HM13: variants seen among roughly 807,000 people sequenced by gnomAD.
HM13 encodes signal peptide peptidase.
Under a neutral mutation model 50.0 loss-of-function variants are expected in HM13, and 18 were observed. That is an observed-to-expected ratio of 0.36 (90% confidence interval 0.25 to 0.53). The LOEUF is 0.53. Ranked by LOEUF, HM13 falls within the 20% of genes least tolerant of loss-of-function variation. The pLI is 0.90. For synonymous variants in HM13, 197 were observed against 232.6 expected (o/e 0.85, Z 1.39); for missense variants, 393 against 552.4 (o/e 0.71, Z 2.89).
intron 7 of HM13, 37 bp downstream of exon 7, chr20:31,550,158 C>G (rs547582485): frequency 9.6e-6 from 15 of 1,558,626 alleles, no homozygotes; most frequent in Non-Finnish European, 1.2e-5. Flanking sequence ...CCCCTTCCCC[C>G]ACCCCTGCCG....
At chr20:31,543,272 G>A (rs1429177574) in intron 3 of HM13, among the ~76,000 whole-genome samples, 2 of 152,072 alleles carry the variant, frequency 1.3e-5, no homozygotes, top group Non-Finnish European at 2.9e-5. Context: ...GAGAAATAGA[G>A]GCCCAGAGAT....
rs560645005 is a variant in HM13, at chr20:31,548,988, C to T, written c.455-41C>T. ...AGGGGCTGACAGGTGGGAGGGGTAG[C>T]CCTGCCTCAGGGAGTGGACTTACCT... On this transcript the variant is annotated intron_variant, in intron 4 of 12. Coordinates refer to ENST00000398174, the MANE Select transcript of HM13 (RefSeq NM_178581.3). 45 of 1,561,566 alleles carry T rather than the reference C, an allele frequency of 2.9e-5. No individual in the cohort carries two copies. The South Asian group carries it at 5.0e-4, about 17-fold the overall frequency.
intron 4 of HM13, chr20:31,547,488 C>T (rs984020640): frequency 1.5e-5 from 10 of 647,642 alleles, no homozygotes; most frequent in African/African-American, 3.8e-5. Context: ...TGTTGTCGCC[C>T]GCTTCACCCT....
chr20:31,553,433 G>A (rs952285442), intron 7 of HM13, among the ~76,000 whole-genome samples: 8 of 152,112 alleles, frequency 5.3e-5, no homozygotes, highest in Non-Finnish European at 1.2e-4. Context: ...ACAAAACCAG[G>A]ACTGGATTAG....
chr20:31,556,843 A>ACC (rs1213593567), intron 8 of HM13, among the ~76,000 whole-genome samples: 5 of 151,852 alleles, frequency 3.3e-5, no homozygotes, highest in African/African-American at 1.2e-4. Context: ...ACATGGTGAA[A>ACC]CCCCGTCTCT....
chr20:31,561,649 C>T lies in HM13; in HGVS notation c.861C>T (p.Thr287=), dbSNP rs1171102624. ...TTCCCTGCAGCTTGAAGAAGAATAC[C>T]CACACCTACTTCTACACCAGCTTTG... ...LRFDISLKKN[T]HTYFYTSFAA... The change falls in exon 10 of 13, where the codon ACC becomes ACT. Residue 287 remains threonine, a synonymous_variant. Coordinates refer to ENST00000398174, the MANE Select transcript of HM13 (RefSeq NM_178581.3). 4 of 1,612,418 alleles carry T rather than the reference C, an allele frequency of 2.5e-6. No individual in the cohort carries two copies. The African/African-American group carries it at 4.0e-5, about 16-fold the overall frequency.
At chr20:31,539,030 G>T in intron 3 of HM13, 2 of 964,566 alleles carry the variant, frequency 2.1e-6, no homozygotes, top group Non-Finnish European at 2.5e-6. Context: ...ACAGAGCCAG[G>T]ATTCAAACCC....
chr20:31,549,819 T>C (rs1261741831), intron 6 of HM13, among the ~76,000 whole-genome samples: 1 of 152,154 alleles, frequency 6.6e-6, no homozygotes, highest in African/African-American at 2.4e-5. Flanking sequence ...GGAACAGAAC[T>C]GTGAACAAAC....
chr20:31,538,386 G>A, intron 3 of HM13, 125 bp downstream of exon 3: 1 of 1,567,008 alleles, frequency 6.4e-7, no homozygotes, highest in Non-Finnish European at 8.7e-7. Flanking sequence ...TAAAACTCAA[G>A]GGACTCTTTC....
At chr20:31,558,555 C>G (rs1416190791) in intron 8 of HM13, among the ~76,000 whole-genome samples, 1 of 138,690 alleles carries the variant, frequency 7.2e-6, no homozygotes, top group African/African-American at 3.1e-5. Flanking sequence ...GTTCTCTCCT[C>G]CTGGCGTGTG....
intron 1 of HM13, among the ~76,000 whole-genome samples, chr20:31,520,492 C>T (rs1223173543): frequency 1.3e-5 from 2 of 149,640 alleles, no homozygotes; most frequent in African/African-American, 4.9e-5. Context: ...TTAGTAGTGA[C>T]AGGGTTTCAC....
At chr20:31,553,249 T>C (rs1395771779) in intron 7 of HM13, among the ~76,000 whole-genome samples, 3 of 150,136 alleles carry the variant, frequency 2.0e-5, no homozygotes, top group African/African-American at 4.9e-5. Context: ...TGAGCCGATA[T>C]TGCGCCACTG....
chr20:31,532,522 T>TC (rs1982880869), intron 2 of HM13, among the ~76,000 whole-genome samples: 1 of 152,054 alleles, frequency 6.6e-6, no homozygotes, highest in Non-Finnish European at 1.5e-5. Flanking sequence ...TTTTTTTTTT[T>TC]CCCACTTCAC....
chr20:31,534,414 G>T (rs1470776300), intron 2 of HM13, among the ~76,000 whole-genome samples: 1 of 152,156 alleles, frequency 6.6e-6, no homozygotes, highest in African/African-American at 2.4e-5. Context: ...AAGTGCCTTT[G>T]TTAGGGCTCA....
At chr20:31,554,205 G>A (rs189485266) in intron 7 of HM13, among the ~76,000 whole-genome samples, 3 of 152,078 alleles carry the variant, frequency 2.0e-5, no homozygotes, top group Admixed American at 1.3e-4. Context: ...GGGGTTAGGA[G>A]TCAAAGTAAG....
chr20:31,535,676 A>G (rs1379023592), intron 2 of HM13: 4 of 152,306 alleles, frequency 2.6e-5, no homozygotes, highest in South Asian at 2.1e-4. Flanking sequence ...TGGACCACCA[A>G]TTTGCCCTTC....
chr20:31,520,448 C>T (rs1237249865), intron 1 of HM13, among the ~76,000 whole-genome samples: 4 of 151,952 alleles, frequency 2.6e-5, no homozygotes, highest in African/African-American at 9.7e-5. Flanking sequence ...GAATTACAGG[C>T]GCGTGCCACT....
At position 31,520,137 on chromosome 20, in the gene HM13, G is replaced by A. The variant is rs573143865; in HGVS notation, c.183+5403G>A. Among the ~76,000 whole-genome samples, 12 of 152,110 alleles carry A rather than the reference G, an allele frequency of 7.9e-5. No homozygotes were observed. The East Asian group carries it at 1.7e-3, about 22-fold the overall frequency. On this transcript the variant is annotated intron_variant, in intron 1 of 12. Transcript: ENST00000398174. ...CTCCTAAAGTGCTGGGATTACAGGC[G>A]TGAGCCACTGTTCCCAGCCCACACT...
intron 7 of HM13, among the ~76,000 whole-genome samples, chr20:31,553,316 G>T (rs940966472): frequency 7.5e-6 from 1 of 132,984 alleles, no homozygotes. Flanking sequence ...AAAAAAAAAT[G>T]TTGGCCAGAG....
Sources: allele counts gnomAD v4.1 joint callset (sites outside exome capture counted in the v4.1 genomes callset), GRCh38; gene constraint gnomAD v4.1.1; transcripts MANE v1.5; gene names NCBI Gene and HGNC (gene_info 2026-07-23, HGNC 2026-07-21).